Variants in HNRNPLL observed in about 807,000 individuals in gnomAD.
The protein encoded by HNRNPLL is heterogeneous nuclear ribonucleoprotein L like, also known as heterogeneous nuclear ribonucleoprotein L-like.
HNRNPLL carries 25 observed loss-of-function variants against 67.1 expected under a neutral mutation model. That is an observed-to-expected ratio of 0.37 (90% CI 0.27 to 0.52). HNRNPLL has a LOEUF of 0.52. HNRNPLL is among the 20% of genes least tolerant of loss of function. HNRNPLL has a pLI of 0.90. For missense variants in HNRNPLL, 542 were observed against 673.9 expected (o/e 0.80, Z 2.17); for synonymous variants, 267 against 241.7 (o/e 1.10, Z -0.97).
rs76024811 is a variant in HNRNPLL, at chr2:38,578,407, G to C, written c.803-875C>G. On this transcript the variant is annotated intron_variant, in intron 6 of 12. Transcript: ENST00000449105. ...ATTATACAATACTTTTAGAAAGTTTGCTGATGAAATTACAGTGCCCAATAA... is the reference window on the plus strand; with the variant it reads ...ATTATACAATACTTTTAGAAAGTTTCCTGATGAAATTACAGTGCCCAATAA... Among the ~76,000 whole-genome samples, 124 of 152,146 alleles carry C rather than the reference G, an allele frequency of 8.2e-4. 1 individual carries two copies. The East Asian group carries it at 0.023, about 28-fold the overall frequency.
chr2:38,586,240 C>G (rs528179194), intron 2 of HNRNPLL, among the ~76,000 whole-genome samples: 1 of 152,282 alleles, frequency 6.6e-6, no homozygotes, highest in South Asian at 2.1e-4. Context: ...CCAGGATGGT[C>G]TCGATCTCCT....
At chr2:38,581,307 T>C (rs182233628) in intron 6 of HNRNPLL, 1 of 152,526 alleles carries the variant, frequency 6.6e-6, no homozygotes, top group East Asian at 1.9e-4. Context: ...ATCAGACCAA[T>C]ATATACATAC....
intron 4 of HNRNPLL, among the ~76,000 whole-genome samples, chr2:38,583,244 A>G (rs73929081): frequency 1.6e-4 from 25 of 152,380 alleles, no homozygotes; most frequent in Middle Eastern, 3.4e-3. Flanking sequence ...AAGATAAAAC[A>G]TAAGTCCCTT....
At chr2:38,568,470 A>G (rs1356400346) in intron 10 of HNRNPLL, 27 bp from the exon 11 acceptor site, 7 of 1,458,186 alleles carry the variant, frequency 4.8e-6, no homozygotes, top group Non-Finnish European at 6.6e-6. Context: ...AACTTCATTA[A>G]AAATATAGCC....
At chr2:38,571,040 G>A (rs1666057696) in intron 8 of HNRNPLL, among the ~76,000 whole-genome samples, 1 of 151,980 alleles carries the variant, frequency 6.6e-6, no homozygotes, top group Non-Finnish European at 1.5e-5. Context: ...ACAAGACCTT[G>A]TCTCAAAAGC....
rs1302360922 is a variant in HNRNPLL, at chr2:38,562,165, G to T, written c.*2017C>A. 6.6e-6 allele frequency: 1 copy of T among 152,164 alleles called. No homozygotes were observed. Among genetic ancestry groups the T allele is most frequent in the Non-Finnish European group, 1.5e-5 (1 of 68,010 alleles). 9.4% of individuals were successfully genotyped at this position (152,164 alleles called of 1,614,324 possible). A position where few individuals can be genotyped will look rare whatever the true frequency, so the allele number is the denominator to read the frequency against. ...GTTGCCAAGGCTAAGGAAAGAGAGA[G>T]TATTCACAAAGCAAACTTCATTAAC... On this transcript the variant is annotated 3_prime_UTR_variant, in exon 13 of 13. Coordinates refer to ENST00000449105, the MANE Select transcript of HNRNPLL (RefSeq NM_138394.4).
chr2:38,601,082 G>C (rs1051354017), intron 1 of HNRNPLL, among the ~76,000 whole-genome samples: 2 of 152,164 alleles, frequency 1.3e-5, no homozygotes, highest in Admixed American at 1.3e-4. Flanking sequence ...CCACAACAGA[G>C]TTGGCTTTGA....
chr2:38,583,766 C>G (rs1250997570), intron 4 of HNRNPLL, 75 bp downstream of exon 4: 2 of 661,826 alleles, frequency 3.0e-6, no homozygotes, highest in Admixed American at 6.6e-5. Flanking sequence ...CACCACTTGT[C>G]TAGAAATGCT....
At chr2:38,597,700 T>A (rs1009392305) in intron 1 of HNRNPLL, among the ~76,000 whole-genome samples, 7 of 151,862 alleles carry the variant, frequency 4.6e-5, no homozygotes, top group Non-Finnish European at 7.4e-5. Context: ...TATTTTTTTT[T>A]TTTTTTGAGA....
At chr2:38,597,736 T>C (rs1473542566) in intron 1 of HNRNPLL, among the ~76,000 whole-genome samples, 1 of 151,944 alleles carries the variant, frequency 6.6e-6, no homozygotes, top group Non-Finnish European at 1.5e-5. Context: ...TCGCCCAGGC[T>C]GGAGTGCAGT....
chr2:38,587,473 T>A (rs769902508), intron 2 of HNRNPLL, among the ~76,000 whole-genome samples: 19 of 152,174 alleles, frequency 1.2e-4, no homozygotes, highest in Non-Finnish European at 2.4e-4. Flanking sequence ...CCCACCCATA[T>A]CATTCAAAAT....
At chr2:38,593,960 G>C (rs1667070375) in intron 1 of HNRNPLL, among the ~76,000 whole-genome samples, 1 of 152,050 alleles carries the variant, frequency 6.6e-6, no homozygotes, top group Non-Finnish European at 1.5e-5. Context: ...AGATCACAAG[G>C]TCAGGAGTTC....
chr2:38,593,939 C>T (rs1481255296), intron 1 of HNRNPLL, among the ~76,000 whole-genome samples: 2 of 151,560 alleles, frequency 1.3e-5, no homozygotes, highest in Non-Finnish European at 2.9e-5. Context: ...CTATGGGAGG[C>T]GAAGCCAGGT....
intron 1 of HNRNPLL, among the ~76,000 whole-genome samples, chr2:38,595,518 G>A (rs1330372197): frequency 6.6e-6 from 1 of 151,842 alleles, no homozygotes; most frequent in Non-Finnish European, 1.5e-5. Flanking sequence ...TTCCTAAGTG[G>A]AATAAAGTGA....
At chr2:38,571,145 T>C (rs80291008) in intron 8 of HNRNPLL, among the ~76,000 whole-genome samples, 9,582 of 152,258 alleles carry the variant, frequency 0.063, 305 homozygotes, top group South Asian at 0.088. Context: ...ATACTATATA[T>C]AAGCATAGCA....
intron 1 of HNRNPLL, among the ~76,000 whole-genome samples, chr2:38,596,112 G>A (rs1040306438): frequency 6.7e-6 from 1 of 150,302 alleles, no homozygotes; most frequent in South Asian, 2.1e-4. Flanking sequence ...TAAAACCAAT[G>A]TATCAAAGGT....
intron 1 of HNRNPLL, among the ~76,000 whole-genome samples, chr2:38,595,833 G>C (rs191086526): frequency 1.1e-4 from 16 of 152,092 alleles, no homozygotes; most frequent in African/African-American, 3.1e-4. Flanking sequence ...GACAGAGCGA[G>C]ACTCCGTCTC....
rs1449386341 is a variant in HNRNPLL, at chr2:38,591,565, G to A, written c.273C>T (p.Asp91=). The A allele has an allele frequency of 3.1e-6, 5 of 1,613,222 alleles. No individual in the cohort carries two copies. The African/African-American group carries it at 6.7e-5, about 22-fold the overall frequency. The change falls in exon 2 of 13, where the codon GAC becomes GAT. Residue 91 remains aspartate, a synonymous_variant. Transcript: ENST00000449105. ...CAAATTTTTCCAGCGCTTCCACGAG[G>A]TCTGCTTCCACCACAGATTCACAGA... is the stretch of plus-strand genomic sequence containing the variant. ...RGLCESVVEA[D]LVEALEKFGT...
chr2:38,570,736 T>C (rs771918751), intron 8 of HNRNPLL, among the ~76,000 whole-genome samples: 16 of 152,138 alleles, frequency 1.1e-4, no homozygotes, highest in Non-Finnish European at 2.1e-4. Context: ...AGAACCCCAA[T>C]GGATGCCTGA....
Sources: allele counts gnomAD v4.1 joint callset (sites outside exome capture counted in the v4.1 genomes callset), GRCh38; gene constraint gnomAD v4.1.1; transcripts MANE v1.5; gene names NCBI Gene and HGNC (gene_info 2026-07-23, HGNC 2026-07-21).